The following AGAP4 variants were observed in gnomAD, a reference collection of about 807,000 sequenced individuals.
The protein encoded by AGAP4 is arf-GAP with GTPase, ANK repeat and PH domain-containing protein 4.
AGAP4 carries 13 observed loss-of-function variants against 60.7 expected under a neutral mutation model. That is an observed-to-expected ratio of 0.21 (90% confidence interval 0.14 to 0.34). The LOEUF (loss-of-function observed/expected upper bound fraction) is 0.34, where lower values mean the gene tolerates loss of function less well. Ranked by LOEUF, AGAP4 falls within the 10% of genes least tolerant of loss-of-function variation. The probability of loss-of-function intolerance (pLI) is 1.00; values close to 1 mark genes in which losing one functional copy is unlikely to be tolerated. For missense variants in AGAP4, 169 were observed against 884.0 expected (o/e 0.19, Z 10.26); for synonymous variants, 70 against 339.0 (o/e 0.21, Z 8.72).
At chr10:45,834,992 C>G (rs1179126531) in intron 4 of AGAP4, among the ~76,000 whole-genome samples, 2 of 146,428 alleles carry the variant, frequency 1.4e-5, no homozygotes, top group Non-Finnish European at 3.0e-5. Context: ...CCAGGATGGT[C>G]TCGATCTCCT....
chr10:45,844,554 G>A, intron 2 of AGAP4, 160 bp from the exon 3 acceptor site: 1 of 1,312,500 alleles, frequency 7.6e-7, no homozygotes, highest in Non-Finnish European at 1.0e-6. Flanking sequence ...CAGGCAAGAT[G>A]GCACATGCTT....
intron 2 of AGAP4, among the ~76,000 whole-genome samples, chr10:45,845,993 T>G (rs1158393176): frequency 9.1e-6 from 1 of 110,208 alleles, no homozygotes; most frequent in African/African-American, 3.6e-5. Context: ...CAAACACTCT[T>G]ACAGGGAAGG....
intron 6 of AGAP4, among the ~76,000 whole-genome samples, chr10:45,829,248 T>G (rs1437544454): frequency 1.6e-5 from 2 of 128,960 alleles, no homozygotes; most frequent in African/African-American, 5.9e-5. Flanking sequence ...TAAGAATGTC[T>G]TTGATGAAGC....
chr10:45,834,913 A>G (rs1460409153), intron 4 of AGAP4, among the ~76,000 whole-genome samples: 1 of 146,850 alleles, frequency 6.8e-6, no homozygotes, highest in Non-Finnish European at 1.5e-5. Context: ...AGCTGGGACT[A>G]CAGGCGCCCA....
intron 6 of AGAP4, among the ~76,000 whole-genome samples, chr10:45,828,700 T>TA (rs1300379117): frequency 3.2e-5 from 4 of 123,080 alleles, no homozygotes; most frequent in Non-Finnish European, 6.9e-5. Flanking sequence ...TTTTTTTTTT[T>TA]TTTTTTTTTT....
upstream of AGAP4, among the ~76,000 whole-genome samples, chr10:45,849,979 AGTG>A (rs2059063713): frequency 6.6e-6 from 1 of 150,796 alleles, no homozygotes; most frequent in Non-Finnish European, 1.5e-5. Flanking sequence ...TTGCCCAGGC[AGTG>A]GCACAATCGT....
chr10:45,828,285 T>C (rs2058677620), intron 6 of AGAP4, among the ~76,000 whole-genome samples: 1 of 148,152 alleles, frequency 6.7e-6, no homozygotes, highest in African/African-American at 2.4e-5. Context: ...AAGTCTTTTA[T>C]ATGATAACCA....
rs1191778668 is a variant in AGAP4, at chr10:45,831,940, G to A, written c.498-511C>T. On this transcript the variant is annotated intron_variant, in intron 5 of 7. Coordinates refer to ENST00000616763, the MANE Select transcript of AGAP4 (RefSeq NM_001276343.3). ...TGGGGGGTGGGGTGGATGGAGTTTCGCTCTTGTTGCCCAGGCTGGAGTGCA... is the reference window on the plus strand; with the variant it reads ...TGGGGGGTGGGGTGGATGGAGTTTCACTCTTGTTGCCCAGGCTGGAGTGCA... Among the ~76,000 whole-genome samples the A allele has an allele frequency of 1.4e-4, 20 of 147,352 alleles. 1 individual carries two copies. Among genetic ancestry groups the A allele is most frequent in the African/African-American group, 3.5e-4 (14 of 40,076 alleles).
At chr10:45,834,867 G>A (rs1404018277) in intron 4 of AGAP4, among the ~76,000 whole-genome samples, 2 of 146,134 alleles carry the variant, frequency 1.4e-5, no homozygotes, top group East Asian at 2.0e-4. Flanking sequence ...TCCGCCTCCC[G>A]GGTTCACGCC....
At chr10:45,852,988 A>G (rs2059102672) in intron 1 of AGAP4, among the ~76,000 whole-genome samples, 1 of 152,090 alleles carries the variant, frequency 6.6e-6, no homozygotes, top group African/African-American at 2.4e-5. Context: ...GGGAAGTTTC[A>G]GCTTAAAGCA....
upstream of AGAP4, among the ~76,000 whole-genome samples, chr10:45,852,474 G>T (rs1486327897): frequency 1.3e-5 from 2 of 149,418 alleles, no homozygotes; most frequent in East Asian, 2.0e-4. Flanking sequence ...ATAACAGCAG[G>T]TTTAGAGGAA....
intron 2 of AGAP4, among the ~76,000 whole-genome samples, chr10:45,846,120 GTAAA>G (rs1452200944): frequency 1.3e-5 from 2 of 148,292 alleles, no homozygotes; most frequent in Non-Finnish European, 3.0e-5. Flanking sequence ...GAACAAGGAG[GTAAA>G]TAAAGTCTGT....
At chr10:45,849,216 A>T (rs1554900031), upstream of AGAP4, among the ~76,000 whole-genome samples, 1 of 150,548 alleles carries the variant, frequency 6.6e-6, no homozygotes, top group Non-Finnish European at 1.5e-5. Flanking sequence ...ACAGAGCAAG[A>T]CTCCATCCCA....
intron 5 of AGAP4, among the ~76,000 whole-genome samples, chr10:45,832,031 T>A (rs2058740454): frequency 1.5e-5 from 2 of 136,096 alleles, no homozygotes; most frequent in Non-Finnish European, 3.2e-5. Flanking sequence ...TGCCTCAGCC[T>A]CCCAAGTGGC....
At chr10:45,851,776 C>G (rs1181227369), upstream of AGAP4, among the ~76,000 whole-genome samples, 2 of 152,024 alleles carry the variant, frequency 1.3e-5, no homozygotes, top group East Asian at 1.9e-4. Flanking sequence ...GCACAGGTGC[C>G]TGCAATCTGG....
intron 2 of AGAP4, 166 bp from the exon 3 acceptor site, chr10:45,844,560 T>G (rs1193697589): frequency 8.1e-7 from 1 of 1,235,696 alleles, no homozygotes; most frequent in South Asian, 1.6e-5. Context: ...AGATGGCACA[T>G]GCTTGTAGTC....
At chr10:45,845,711 T>C (rs2058987206) in intron 2 of AGAP4, among the ~76,000 whole-genome samples, 1 of 95,372 alleles carries the variant, frequency 1.0e-5, no homozygotes, top group Non-Finnish European at 2.2e-5. Context: ...CAAGCAATTC[T>C]CCTGCCTCAG....
chr10:45,837,582 GATTTTCA>G (rs1438389060), intron 4 of AGAP4, among the ~76,000 whole-genome samples: 2 of 151,584 alleles, frequency 1.3e-5, no homozygotes, highest in African/African-American at 2.4e-5. Context: ...ATAGCCAACT[GATTTTCA>G]ACAAAGCCAC....
In AGAP4 at chr10:45,838,647, C is replaced by T. The variant is rs1361527254; in HGVS notation, c.396+3006G>A. Among the ~76,000 whole-genome samples the T allele has an allele frequency of 4.0e-5, 6 of 150,690 alleles. No homozygotes were observed. In the East Asian group the frequency reaches 1.2e-3, roughly 29 times the overall value. On this transcript the variant is annotated intron_variant, in intron 4 of 7. Coordinates refer to ENST00000616763, the MANE Select transcript of AGAP4 (RefSeq NM_001276343.3). ...AGTGCAGTGGTGCAATTATAGTTAA[C>T]TGCAGCCTCAAACTCCTGAGCTCAA...
Sources: allele counts gnomAD v4.1 joint callset (sites outside exome capture counted in the v4.1 genomes callset), GRCh38; gene constraint gnomAD v4.1.1; transcripts MANE v1.5; gene names NCBI Gene and HGNC (gene_info 2026-07-23, HGNC 2026-07-21).